The following CD47 variants were observed in gnomAD, a reference collection of about 807,000 sequenced individuals.
CD47 encodes the protein leukocyte surface antigen CD47.
CD47 carries 11 observed loss-of-function variants against 44.6 expected under a neutral mutation model. The ratio of observed to expected loss-of-function variants is 0.25; its 90% CI spans 0.16 to 0.41. The LOEUF is 0.41. Among genes scored for constraint, CD47 ranks in the 10% least tolerant of loss-of-function variants. CD47 has a pLI of 1.00. For synonymous variants in CD47, 140 were observed against 136.3 expected (o/e 1.03, Z -0.19); for missense variants, 306 against 386.7 (o/e 0.79, Z 1.75).
chr3:108,075,533 T>C (rs114566758), intron 2 of CD47, among the ~76,000 whole-genome samples: 1,541 of 152,274 alleles, frequency 0.01, 17 homozygotes, highest in African/African-American at 0.035. Flanking sequence ...AGGATTGTGA[T>C]GGCTTTTCTG....
At position 108,088,623 on chromosome 3, in the gene CD47, T is replaced by TTG. The variant is rs538041980; in HGVS notation, c.46+2239_46+2240insCA. The stretch of plus-strand genomic sequence containing the variant: ...TTATTTAATCATATGTACCCTGATT[T>TTG]AAAAAAAAAAACAACTCATTTTGAA... On this transcript the variant is annotated intron_variant, in intron 1 of 10. Coordinates refer to ENST00000361309, the MANE Select transcript of CD47 (RefSeq NM_001777.4). 7.2e-3 allele frequency among the ~76,000 whole-genome samples: 1,048 copies of TTG among 146,560 alleles called. 8 individuals are homozygous for TTG. Among genetic ancestry groups the TTG allele is most frequent in the South Asian group, 0.025 (115 of 4,620 alleles).
At chr3:108,062,932 G>T (rs772560141) in intron 3 of CD47, among the ~76,000 whole-genome samples, 1 of 151,806 alleles carries the variant, frequency 6.6e-6, no homozygotes, top group African/African-American at 2.4e-5. Flanking sequence ...GGGATTACAG[G>T]TGTGAGCCAC....
intron 2 of CD47, among the ~76,000 whole-genome samples, chr3:108,075,850 T>C (rs979953567): frequency 2.6e-5 from 4 of 152,164 alleles, no homozygotes; most frequent in African/African-American, 4.8e-5. Context: ...CCTGGCAAAA[T>C]AAACTCAATA....
intron 1 of CD47, among the ~76,000 whole-genome samples, chr3:108,084,865 C>A (rs115694177): frequency 1.3e-5 from 2 of 152,006 alleles, no homozygotes. Context: ...TCATCCTCCC[C>A]CCTCGAACTA....
At chr3:108,068,285 T>A (rs2108248644) in intron 3 of CD47, among the ~76,000 whole-genome samples, 1 of 152,298 alleles carries the variant, frequency 6.6e-6, no homozygotes, top group Middle Eastern at 3.4e-3. Context: ...CTCAAAGATG[T>A]GACAAGGCAT....
At chr3:108,087,761 C>T (rs2108276001) in intron 1 of CD47, among the ~76,000 whole-genome samples, 1 of 152,254 alleles carries the variant, frequency 6.6e-6, no homozygotes. Flanking sequence ...GATTCTGAGT[C>T]TTATGCAACT....
intron 7 of CD47, among the ~76,000 whole-genome samples, chr3:108,055,084 C>T (rs538264310): frequency 2.0e-4 from 31 of 151,974 alleles, no homozygotes; most frequent in African/African-American, 7.2e-4. Context: ...AAAAAAAATA[C>T]AACACAGTTT....
intron 8 of CD47, 34 bp from the exon 9 acceptor site, chr3:108,050,636 T>A: frequency 1.3e-6 from 1 of 761,778 alleles, no homozygotes; most frequent in Non-Finnish European, 2.1e-6. Flanking sequence ...TACATAAAAA[T>A]ATAATTTATG....
At chr3:108,086,739 T>A (rs1192925887) in intron 1 of CD47, among the ~76,000 whole-genome samples, 1 of 152,086 alleles carries the variant, frequency 6.6e-6, no homozygotes, top group East Asian at 1.9e-4. Context: ...TTGAGGTTTT[T>A]TGTTTTATTT....
At chr3:108,086,814 A>G (rs1382207960) in intron 1 of CD47, among the ~76,000 whole-genome samples, 1 of 152,154 alleles carries the variant, frequency 6.6e-6, no homozygotes, top group Non-Finnish European at 1.5e-5. Context: ...GGAGAGGGAA[A>G]GATCTAAGAT....
chr3:108,084,559 C>T (rs1400668912), intron 1 of CD47, among the ~76,000 whole-genome samples: 3 of 152,100 alleles, frequency 2.0e-5, no homozygotes, highest in African/African-American at 7.2e-5. Context: ...GAATCATGCA[C>T]TGCCTTTCTT....
chr3:108,072,687 T>C (rs776775119), intron 2 of CD47, among the ~76,000 whole-genome samples: 2 of 152,196 alleles, frequency 1.3e-5, no homozygotes, highest in African/African-American at 2.4e-5. Context: ...GAAAAGTCAC[T>C]TCAGTATAGC....
At chr3:108,090,820 G>T in intron 1 of CD47, 43 bp downstream of exon 1, 1 of 1,457,714 alleles carries the variant, frequency 6.9e-7, no homozygotes, top group Non-Finnish European at 9.0e-7. Flanking sequence ...CCGCGGGGGC[G>T]AAGCGACAGC....
intron 6 of CD47, among the ~76,000 whole-genome samples, chr3:108,057,904 A>T (rs2078939174): frequency 6.6e-6 from 1 of 152,238 alleles, no homozygotes; most frequent in African/African-American, 2.4e-5. Flanking sequence ...AGCCATATAT[A>T]CAGCTAATAT....
chr3:108,084,629 C>T (rs928024553), intron 1 of CD47, among the ~76,000 whole-genome samples: 7 of 152,078 alleles, frequency 4.6e-5, no homozygotes, highest in African/African-American at 1.4e-4. Context: ...GGATGTAATA[C>T]AGTTACTTCA....
chr3:108,072,634 C>T (rs890766418), intron 2 of CD47, among the ~76,000 whole-genome samples: 1 of 152,068 alleles, frequency 6.6e-6, no homozygotes. Context: ...CAAATCAATA[C>T]CTTTATTTCC....
At position 108,045,089 on chromosome 3, in the gene CD47, G is replaced by C. The variant is rs113751275; in HGVS notation, c.*2199C>G. 6.6e-6 allele frequency: 1 copy of C among 152,666 alleles called. No homozygotes were observed. Among genetic ancestry groups the C allele is most frequent in the African/African-American group, 2.4e-5 (1 of 41,444 alleles). 9.5% of individuals were successfully genotyped at this position (152,666 alleles called of 1,614,324 possible). A position where few individuals can be genotyped will look rare whatever the true frequency, so the allele number is the denominator to read the frequency against. The stretch of plus-strand genomic sequence containing the variant: ...AGAAGCTGACAACTAGTGAGAGCAA[G>C]AGTTGGTTTCATCTGGCATTTCCCC... On this transcript the variant is annotated 3_prime_UTR_variant, in exon 11 of 11. Transcript: ENST00000361309.
intron 9 of CD47, among the ~76,000 whole-genome samples, chr3:108,049,961 T>C (rs971426238): frequency 6.6e-6 from 1 of 152,162 alleles, no homozygotes; most frequent in South Asian, 2.1e-4. Flanking sequence ...GTAATTGGGA[T>C]CCTTCTCTAC....
chr3:108,065,903 AGAATGATTCTTTGT>A (rs1163789586), intron 3 of CD47, among the ~76,000 whole-genome samples: 1 of 151,646 alleles, frequency 6.6e-6, no homozygotes, highest in Admixed American at 6.6e-5. Context: ...ACCAGGTCAC[AGAATGATTCTTTGT>A]GATAATATTT....
Sources: allele counts gnomAD v4.1 joint callset (sites outside exome capture counted in the v4.1 genomes callset), GRCh38; gene constraint gnomAD v4.1.1; transcripts MANE v1.5; gene names NCBI Gene and HGNC (gene_info 2026-07-23, HGNC 2026-07-21).